The following AUTS2 variants were observed in gnomAD, a reference collection of about 807,000 sequenced individuals.
The protein encoded by AUTS2 is activator of transcription and developmental regulator AUTS2.
In AUTS2, 17 loss-of-function variants were observed where a neutral mutation model predicts 112.4. That is an observed-to-expected ratio of 0.15 (90% CI 0.10 to 0.23). AUTS2 has a LOEUF of 0.23. Ranked by LOEUF, AUTS2 falls within the 10% of genes least tolerant of loss-of-function variation. AUTS2 has a pLI of 1.00. For synonymous variants in AUTS2, 751 were observed against 702.7 expected, an observed-to-expected ratio of 1.07 and a Z score of -1.09; for missense variants, 1,510 against 1,701.6, an observed-to-expected ratio of 0.89 and a Z score of 1.98.
At chr7:69,620,360 T>C (rs1793597923) in intron 1 of AUTS2, among the ~76,000 whole-genome samples, 1 of 152,204 alleles carries the variant, frequency 6.6e-6, no homozygotes, top group African/African-American at 2.4e-5. Flanking sequence ...GTCCAGGGAA[T>C]TGGGCACTGA....
intron 7 of AUTS2, among the ~76,000 whole-genome samples, chr7:70,764,428 G>A (rs1394147867): frequency 1.3e-5 from 2 of 152,146 alleles, no homozygotes; most frequent in Non-Finnish European, 2.9e-5. Flanking sequence ...TGGAAGGCTG[G>A]GGATTTTCTA....
chr7:70,053,558 G>T (rs1337329103), intron 2 of AUTS2, among the ~76,000 whole-genome samples: 2 of 69,890 alleles, frequency 2.9e-5, no homozygotes, highest in South Asian at 4.3e-4. Flanking sequence ...TTTTTTTTTG[G>T]AGACAGGATC....
chr7:70,637,462 A>G (rs1254048641), intron 5 of AUTS2, among the ~76,000 whole-genome samples: 2 of 152,242 alleles, frequency 1.3e-5, no homozygotes, highest in Non-Finnish European at 2.9e-5. Context: ...TGGGCAGTCA[A>G]TAAGTGCTTA....
chr7:70,444,373 T>A (rs6460545), intron 5 of AUTS2, among the ~76,000 whole-genome samples: 27,478 of 141,860 alleles, frequency 0.19, 2,754 homozygotes, highest in Middle Eastern at 0.28. Flanking sequence ...TGTGTGTGTG[T>A]GAGAGAGAGA....
At chr7:70,701,687 G>A (rs1312107779) in intron 6 of AUTS2, among the ~76,000 whole-genome samples, 2 of 152,176 alleles carry the variant, frequency 1.3e-5, no homozygotes, top group Non-Finnish European at 2.9e-5. Flanking sequence ...AATGAGGACT[G>A]AGCATTTCGA....
At chr7:70,162,080 A>G (rs1156494842) in intron 4 of AUTS2, among the ~76,000 whole-genome samples, 1 of 152,132 alleles carries the variant, frequency 6.6e-6, no homozygotes, top group Non-Finnish European at 1.5e-5. Flanking sequence ...ATTGAGGACA[A>G]TATTTTTAAG....
At chr7:69,654,384 A>T (rs189430139) in intron 1 of AUTS2, among the ~76,000 whole-genome samples, 45 of 152,344 alleles carry the variant, frequency 3.0e-4, no homozygotes, top group African/African-American at 1.0e-3. Context: ...ATCCTGCCCC[A>T]GACCTTCACA....
intron 1 of AUTS2, among the ~76,000 whole-genome samples, chr7:69,757,215 C>G (rs964207417): frequency 2.0e-5 from 3 of 152,150 alleles, no homozygotes; most frequent in Non-Finnish European, 4.4e-5. Flanking sequence ...CAAATAATGT[C>G]TCTGCTTTCA....
chr7:69,773,352 A>C (rs1788748684), intron 1 of AUTS2, among the ~76,000 whole-genome samples: 1 of 151,472 alleles, frequency 6.6e-6, no homozygotes, highest in African/African-American at 2.4e-5. Context: ...AACACAATAC[A>C]TGTATCTGCA....
At chr7:70,270,324 T>G (rs1253433381) in intron 4 of AUTS2, among the ~76,000 whole-genome samples, 5 of 151,996 alleles carry the variant, frequency 3.3e-5, no homozygotes, top group Non-Finnish European at 5.9e-5. Context: ...GGAGTTAGTA[T>G]TGGGTTTTGA....
chr7:69,911,802 C>T (rs961099858), intron 2 of AUTS2, among the ~76,000 whole-genome samples: 8 of 152,278 alleles, frequency 5.3e-5, no homozygotes, highest in Non-Finnish European at 1.0e-4. Flanking sequence ...AAGCACCATC[C>T]GATTGGCCAA....
chr7:69,975,429 CA>C (rs1471409985), intron 2 of AUTS2, among the ~76,000 whole-genome samples: 1 of 152,080 alleles, frequency 6.6e-6, no homozygotes, highest in East Asian at 1.9e-4. Flanking sequence ...ATCATTTCTT[CA>C]TGTACTTTTA....
intron 1 of AUTS2, among the ~76,000 whole-genome samples, chr7:69,767,822 T>C (rs558338787): frequency 5.9e-5 from 9 of 152,352 alleles, no homozygotes; most frequent in African/African-American, 2.2e-4. Context: ...GCACACACTG[T>C]GCCTGTTGCC....
At chr7:69,820,526 CA>C (rs1190451371) in intron 1 of AUTS2, among the ~76,000 whole-genome samples, 1 of 152,166 alleles carries the variant, frequency 6.6e-6, no homozygotes, top group African/African-American at 2.4e-5. Flanking sequence ...TCATCAGTTC[CA>C]GGGGGAATAA....
At chr7:70,160,288 A>G (rs1309580514) in intron 4 of AUTS2, among the ~76,000 whole-genome samples, 2 of 152,164 alleles carry the variant, frequency 1.3e-5, no homozygotes, top group Non-Finnish European at 2.9e-5. Flanking sequence ...GTAGCTTACC[A>G]TATAAAGAAA....
chr7:70,090,685 C>CTTTTTTTTTTTTTT (rs1279080115), intron 2 of AUTS2, among the ~76,000 whole-genome samples: 1 of 129,012 alleles, frequency 7.8e-6, no homozygotes. Flanking sequence ...AGATTTCTGT[C>CTTTTTTTTTTTTTT]TTTTTTTTTT....
At chr7:69,816,497 C>T (rs367945778) in intron 1 of AUTS2, among the ~76,000 whole-genome samples, 6 of 152,174 alleles carry the variant, frequency 3.9e-5, no homozygotes, top group Non-Finnish European at 5.9e-5. Flanking sequence ...GTAAGCTCTT[C>T]GGCCCCGTGC....
At chr7:70,627,451 C>G (rs906618873) in intron 5 of AUTS2, among the ~76,000 whole-genome samples, 2 of 152,174 alleles carry the variant, frequency 1.3e-5, no homozygotes, top group African/African-American at 4.8e-5. Flanking sequence ...TGGATTGCCT[C>G]TTTTCTCTGT....
intron 1 of AUTS2, among the ~76,000 whole-genome samples, chr7:69,636,480 G>GC (rs10652609): frequency 0.2 from 3,137 of 16,082 alleles, 848 homozygotes; most frequent in East Asian, 0.31. Context: ...AGTGATCCGC[G>GC]CCCCCCCCCC....
Sources: gnomAD v4.1 joint callset for allele counts (sites outside exome capture counted in the v4.1 genomes callset) on GRCh38, gnomAD v4.1.1 for gene constraint, MANE v1.5 for transcripts, NCBI Gene and HGNC (gene_info 2026-07-23, HGNC 2026-07-21) for gene names.